The following SMIM10L3 variants were observed in gnomAD, a reference collection of about 807,000 sequenced individuals.
SMIM10L3 encodes the protein salivary gland specific protein SAGSIN1.
At chr7:6,333,916 A>G in the SMIM10L3 span, among the ~76,000 whole-genome samples, 10 of 135,024 alleles carry the variant, frequency 7.4e-5, no homozygotes, top group Non-Finnish European at 1.2e-4. Context: ...GCGCCATCTC[A>G]GCTCACTAAA....
At chr7:6,340,371 G>T in the SMIM10L3 span, among the ~76,000 whole-genome samples, 21 of 152,278 alleles carry the variant, frequency 1.4e-4, no homozygotes, top group South Asian at 4.1e-4. Flanking sequence ...GGTTGGTGCG[G>T]TGGAGGACGG....
the SMIM10L3 span, chr7:6,330,461 T>C: frequency 6.2e-7 from 1 of 1,614,200 alleles, no homozygotes; most frequent in Non-Finnish European, 8.5e-7. Context: ...GAGGTGCTTT[T>C]AAGCATTTTC....
the SMIM10L3 span, among the ~76,000 whole-genome samples, chr7:6,331,994 C>G: frequency 6.6e-6 from 1 of 151,582 alleles, no homozygotes; most frequent in Non-Finnish European, 1.5e-5. Context: ...TGTCTGTAAT[C>G]CCAGCTAGTT....
At chr7:6,332,202 T>C in the SMIM10L3 span, among the ~76,000 whole-genome samples, 56 of 152,054 alleles carry the variant, frequency 3.7e-4, no homozygotes, top group Non-Finnish European at 7.1e-4. Context: ...CTTCAGGTTA[T>C]GTAATTTTAT....
chr7:6,335,389 A>G, the SMIM10L3 span, among the ~76,000 whole-genome samples: 285 of 151,776 alleles, frequency 1.9e-3, 2 homozygotes, highest in African/African-American at 6.5e-3. Flanking sequence ...CGCCTGGCTA[A>G]TTTTAGTTTT....
At chr7:6,339,510 G>A in the SMIM10L3 span, among the ~76,000 whole-genome samples, 1 of 151,352 alleles carries the variant, frequency 6.6e-6, no homozygotes, top group Non-Finnish European at 1.5e-5. Flanking sequence ...TTGAGACGGA[G>A]TCTCGCTCTG....
chr7:6,343,331 C>T, the SMIM10L3 span, among the ~76,000 whole-genome samples: 1 of 148,518 alleles, frequency 6.7e-6, no homozygotes, highest in Non-Finnish European at 1.5e-5. Context: ...GATCCAAAAT[C>T]ACACCACTGC....
the SMIM10L3 span, among the ~76,000 whole-genome samples, chr7:6,335,672 CTT>C: frequency 5.3e-5 from 8 of 152,180 alleles, no homozygotes; most frequent in African/African-American, 9.6e-5. Context: ...TTATATATAT[CTT>C]GTGGGACATG....
At chr7:6,339,141 G>A in the SMIM10L3 span, among the ~76,000 whole-genome samples, 1 of 152,154 alleles carries the variant, frequency 6.6e-6, no homozygotes, top group South Asian at 2.1e-4. Context: ...TAACATCACT[G>A]AGTTCCTGCT....
the SMIM10L3 span, among the ~76,000 whole-genome samples, chr7:6,345,152 C>T: frequency 6.6e-6 from 1 of 150,914 alleles, no homozygotes; most frequent in Non-Finnish European, 1.5e-5. Flanking sequence ...GAGTCTCACT[C>T]TGTTGCCCAG....
At chr7:6,336,667 G>A in the SMIM10L3 span, among the ~76,000 whole-genome samples, 90 of 148,136 alleles carry the variant, frequency 6.1e-4, 1 homozygote, top group African/African-American at 2.0e-3. Context: ...CTGAGAGAGC[G>A]AGCAAGACTT....
At chr7:6,330,060 G>A in the SMIM10L3 span, 1 of 323,268 alleles carries the variant, frequency 3.1e-6, no homozygotes, top group African/African-American at 2.2e-5. Flanking sequence ...TAGCCCTTTA[G>A]AATGGATGTT....
At chr7:6,336,628 G>A in the SMIM10L3 span, among the ~76,000 whole-genome samples, 2 of 150,146 alleles carry the variant, frequency 1.3e-5, no homozygotes, top group Admixed American at 6.6e-5. Flanking sequence ...AGGCTGCCGT[G>A]AGCCAAGATG....
chr7:6,330,288 G>T, the SMIM10L3 span: 2 of 1,284,014 alleles, frequency 1.6e-6, no homozygotes, highest in South Asian at 1.4e-5. Context: ...CCTAAGGGCT[G>T]CACAGTTTGC....
chr7:6,346,419 T>C, the SMIM10L3 span, among the ~76,000 whole-genome samples: 1 of 152,072 alleles, frequency 6.6e-6, no homozygotes, highest in South Asian at 2.1e-4. Flanking sequence ...CAGGCTGGAG[T>C]GCAGTGGCAC....
the SMIM10L3 span, chr7:6,330,354 T>C: frequency 6.3e-7 from 1 of 1,581,770 alleles, no homozygotes; most frequent in African/African-American, 1.4e-5. Flanking sequence ...ATTAATCTAT[T>C]GGTATTGTTC....
the SMIM10L3 span, among the ~76,000 whole-genome samples, chr7:6,347,799 T>A: frequency 6.6e-6 from 1 of 151,560 alleles, no homozygotes; most frequent in African/African-American, 2.4e-5. Flanking sequence ...CTCATGCCTA[T>A]AATCCCAGCA....
chr7:6,343,027 A>C, the SMIM10L3 span, among the ~76,000 whole-genome samples: 1 of 140,284 alleles, frequency 7.1e-6, no homozygotes. Flanking sequence ...ACAGAGGAAG[A>C]CGCTTTCTCA....
chr7:6,344,607 C>T, the SMIM10L3 span, among the ~76,000 whole-genome samples: 670 of 152,004 alleles, frequency 4.4e-3, 4 homozygotes, highest in Non-Finnish European at 8.0e-3. Context: ...TTTGTAGAGA[C>T]GGAGTTTCGC....
Sources: allele counts gnomAD v4.1 joint callset (sites outside exome capture counted in the v4.1 genomes callset), GRCh38; gene constraint gnomAD v4.1.1; transcripts MANE v1.5; gene names NCBI Gene and HGNC (gene_info 2026-07-23, HGNC 2026-07-21).